Variants in THSD7B observed in about 807,000 individuals in gnomAD.
THSD7B encodes thrombospondin type 1 domain containing 7B, also known as thrombospondin type-1 domain-containing protein 7B.
Under a neutral mutation model 213.6 loss-of-function variants are expected in THSD7B, and 138 were observed. The ratio of observed to expected loss-of-function variants is 0.65; its 90% CI spans 0.56 to 0.74. THSD7B has a LOEUF of 0.74. THSD7B is among the 30% of genes least tolerant of loss of function. The pLI is 0.00. For missense variants in THSD7B, 1,931 were observed against 1,991.5 expected (o/e 0.97, Z 0.58); for synonymous variants, 742 against 687.0 (o/e 1.08, Z -1.25).
chr2:137,371,335 A>T (rs1685533250), intron 12 of THSD7B, among the ~76,000 whole-genome samples: 1 of 152,140 alleles, frequency 6.6e-6, no homozygotes, highest in South Asian at 2.1e-4. Context: ...TTCCGTTCTC[A>T]CACTTGAATA....
intron 1 of THSD7B, among the ~76,000 whole-genome samples, chr2:136,872,362 G>A (rs1457710091): frequency 8.4e-6 from 1 of 118,868 alleles, no homozygotes; most frequent in African/African-American, 3.2e-5. Context: ...GAGATAAATG[G>A]CGAAAGACCA....
intron 2 of THSD7B, among the ~76,000 whole-genome samples, chr2:137,027,752 T>C (rs1025787729): frequency 6.6e-6 from 1 of 152,118 alleles, no homozygotes; most frequent in African/African-American, 2.4e-5. Context: ...CACAGAACAG[T>C]GTGTTGCTGA....
intron 2 of THSD7B, among the ~76,000 whole-genome samples, chr2:137,004,708 G>C (rs1213777060): frequency 6.6e-6 from 1 of 152,106 alleles, no homozygotes; most frequent in East Asian, 1.9e-4. Context: ...TAATCAGATA[G>C]CTATTGGACA....
intron 12 of THSD7B, among the ~76,000 whole-genome samples, chr2:137,280,545 C>T (rs570456797): frequency 1.3e-5 from 2 of 152,100 alleles, no homozygotes; most frequent in East Asian, 3.9e-4. Context: ...ATAAGAAAAA[C>T]AAGAAGATAG....
Position 137,451,000 on chromosome 2 carries a change from C to G in THSD7B, c.3115C>G (p.Pro1039Ala), listed in dbSNP as rs1407132648. 2.5e-6 allele frequency: 4 copies of G among 1,601,684 alleles called. No homozygotes were observed. In the Admixed American group the frequency reaches 5.2e-5, roughly 21 times the overall value. ...ACCTTACAATGGAGGACGACCATGT[C>G]CCAAACTGGATCTCAAGAATCAGGT... Reference protein sequence around the residue: ...EKPYNGGRPCPKLDLKNQVHE... With the variant: ...EKPYNGGRPCAKLDLKNQVHE... Residue 1039 changes from proline (P) to alanine (A), a missense_variant, in exon 15 of 28, where the codon CCC (proline) becomes GCC (alanine). Physicochemically the swap from Pro to Ala is conservative, Grantham distance 27. Transcript: ENST00000409968.
chr2:137,657,995 G>A (rs1196277224), intron 24 of THSD7B, among the ~76,000 whole-genome samples: 2 of 152,192 alleles, frequency 1.3e-5, no homozygotes, highest in Admixed American at 1.3e-4. Context: ...ACAGGCGTGA[G>A]CCACCACGCC....
chr2:137,487,396 A>AAAAAAAAAAAAAAAC (rs757398774), intron 15 of THSD7B, among the ~76,000 whole-genome samples: 2 of 120,944 alleles, frequency 1.7e-5, no homozygotes, highest in South Asian at 2.7e-4. Flanking sequence ...AAAAAAAAAA[A>AAAAAAAAAAAAAAAC]AAAGAACTAG....
chr2:136,963,859 T>C (rs1685272041), intron 2 of THSD7B, among the ~76,000 whole-genome samples: 1 of 152,226 alleles, frequency 6.6e-6, no homozygotes, highest in Non-Finnish European at 1.5e-5. Flanking sequence ...TTTTGATAAT[T>C]AGACGTGTTT....
intron 3 of THSD7B, among the ~76,000 whole-genome samples, chr2:137,071,437 A>T (rs368868954): frequency 0.026 from 3,939 of 151,992 alleles, 128 homozygotes; most frequent in African/African-American, 0.078. Flanking sequence ...GTTTGAGTTC[A>T]TTGTAGATTC....
intron 2 of THSD7B, among the ~76,000 whole-genome samples, chr2:137,031,029 C>T (rs1686655612): frequency 6.6e-6 from 1 of 152,138 alleles, no homozygotes; most frequent in African/African-American, 2.4e-5. Context: ...CCACCACCTT[C>T]ATAACATGAA....
At chr2:137,204,148 A>C (rs1456885682) in intron 7 of THSD7B, among the ~76,000 whole-genome samples, 3 of 152,234 alleles carry the variant, frequency 2.0e-5, no homozygotes, top group East Asian at 3.9e-4. Context: ...CATCTGTTAC[A>C]TGGCACCTGG....
At chr2:137,302,676 T>C (rs1377431930) in intron 12 of THSD7B, among the ~76,000 whole-genome samples, 3 of 152,148 alleles carry the variant, frequency 2.0e-5, no homozygotes, top group Non-Finnish European at 4.4e-5. Context: ...GCTCTTTTGT[T>C]TTGTTTCTAA....
chr2:137,213,637 G>T (rs916056621), intron 7 of THSD7B, among the ~76,000 whole-genome samples: 3 of 151,794 alleles, frequency 2.0e-5, no homozygotes, highest in Admixed American at 6.6e-5. Context: ...GCAAGGCAGA[G>T]AATTGATCCC....
intron 15 of THSD7B, among the ~76,000 whole-genome samples, chr2:137,528,344 T>C (rs1413757380): frequency 1.3e-5 from 2 of 152,106 alleles, no homozygotes; most frequent in African/African-American, 4.8e-5. Context: ...CCATGTCATT[T>C]CAACCCTCTG....
chr2:137,360,637 G>A (rs748498423), intron 12 of THSD7B, among the ~76,000 whole-genome samples: 12 of 152,130 alleles, frequency 7.9e-5, no homozygotes, highest in Non-Finnish European at 1.6e-4. Flanking sequence ...ACTGCTGGGC[G>A]GCAAGCCTGG....
At chr2:137,241,605 G>A (rs552338547) in intron 9 of THSD7B, among the ~76,000 whole-genome samples, 15 of 151,848 alleles carry the variant, frequency 9.9e-5, no homozygotes, top group Admixed American at 7.2e-4. Flanking sequence ...TTCAGTCTAC[G>A]TGTTCTATAG....
At position 137,587,549 on chromosome 2, in the gene THSD7B, C is replaced by G. The variant is rs538494851; in HGVS notation, c.3423+14993C>G. On this transcript the variant is annotated intron_variant, in intron 17 of 27. Transcript: ENST00000409968. ...TCCTTTCTGTTTGTTAGTTTTCCTT[C>G]TAACATTCAGGATCCTCAACTGCAG... Among the ~76,000 whole-genome samples the G allele has an allele frequency of 4.6e-5, 7 of 152,328 alleles. No homozygotes were observed. In the East Asian group the frequency reaches 1.3e-3, roughly 29 times the overall value.
At chr2:137,113,912 A>C (rs987898162) in intron 4 of THSD7B, among the ~76,000 whole-genome samples, 1 of 152,154 alleles carries the variant, frequency 6.6e-6, no homozygotes, top group Non-Finnish European at 1.5e-5. Context: ...GGACTGTCCA[A>C]ATCCTTTTTC....
chr2:137,039,925 G>A (rs10174669), intron 2 of THSD7B, among the ~76,000 whole-genome samples: 88,296 of 152,062 alleles, frequency 0.58, 29,623 homozygotes, highest in Non-Finnish European at 0.73. Flanking sequence ...CTGTCCACAT[G>A]CTGTGCCCAG....
Sources: gnomAD v4.1 joint callset for allele counts (sites outside exome capture counted in the v4.1 genomes callset) on GRCh38, gnomAD v4.1.1 for gene constraint, MANE v1.5 for transcripts, NCBI Gene and HGNC (gene_info 2026-07-23, HGNC 2026-07-21) for gene names.